KCNH5: variants seen among roughly 807,000 people sequenced by gnomAD.
The protein encoded by KCNH5 is voltage-gated delayed rectifier potassium channel KCNH5.
KCNH5 carries 46 observed loss-of-function variants against 96.1 expected under a neutral mutation model. The observed-to-expected ratio is 0.48, with a 90% confidence interval of 0.38 to 0.61. The LOEUF is 0.61. Among genes scored for constraint, KCNH5 ranks in the 20% least tolerant of loss-of-function variants. The pLI, the probability that KCNH5 is intolerant of heterozygous loss-of-function variation, is 0.00. For missense variants in KCNH5, 907 were observed against 1,225.8 expected (o/e 0.74, Z 3.88); for synonymous variants, 439 against 449.8 (o/e 0.98, Z 0.30).
chr14:62,895,722 G>A (rs931656789), intron 7 of KCNH5, among the ~76,000 whole-genome samples: 6 of 152,172 alleles, frequency 3.9e-5, no homozygotes, highest in Non-Finnish European at 8.8e-5. Context: ...ATGACAAGGA[G>A]ACATTGAAAG....
At chr14:62,972,749 G>T (rs1890433243) in intron 6 of KCNH5, among the ~76,000 whole-genome samples, 1 of 151,930 alleles carries the variant, frequency 6.6e-6, no homozygotes, top group Admixed American at 6.6e-5. Context: ...AGAGAAAGAA[G>T]CCAATATGAA....
rs1019715310 is a variant in KCNH5, at chr14:62,706,071, G to A, written c.*1437C>T. ...CTCCTGGGTTCTTACAAGTGAATGT[G>A]TATTTTATTCTCAATCCTTATCATT... On this transcript the variant is annotated 3_prime_UTR_variant, in exon 11 of 11. Coordinates refer to ENST00000322893, the MANE Select transcript of KCNH5 (RefSeq NM_139318.5). The A allele has an allele frequency of 2.6e-5, 4 of 152,030 alleles. No individual in the cohort carries two copies. The highest frequency in any genetic ancestry group is 7.2e-5 in the African/African-American group (3 of 41,420). The allele number at this position is 152,030 out of a possible 1,614,324, so 9.4% of individuals were successfully genotyped here. A position where few individuals can be genotyped will look rare whatever the true frequency, so the allele number is the denominator to read the frequency against.
chr14:63,027,787 A>G (rs777506389), intron 1 of KCNH5, among the ~76,000 whole-genome samples: 14 of 152,050 alleles, frequency 9.2e-5, no homozygotes, highest in Middle Eastern at 3.2e-3. Context: ...AAAAAGAAAG[A>G]CTGTAAACAT....
At chr14:62,878,061 T>C (rs1286920519) in intron 7 of KCNH5, among the ~76,000 whole-genome samples, 2 of 151,882 alleles carry the variant, frequency 1.3e-5, no homozygotes, top group Non-Finnish European at 2.9e-5. Flanking sequence ...TGGATGAAAT[T>C]GGAAATCATC....
At chr14:62,849,627 T>A (rs971936029) in intron 8 of KCNH5, 26 bp downstream of exon 8, 6 of 1,588,684 alleles carry the variant, frequency 3.8e-6, no homozygotes, top group Non-Finnish European at 5.2e-6. Context: ...AAATAGAAAC[T>A]AAATAATAAC....
intron 8 of KCNH5, 116 bp from the exon 9 acceptor site, chr14:62,802,697 C>T: frequency 7.9e-7 from 1 of 1,263,636 alleles, no homozygotes; most frequent in Non-Finnish European, 1.1e-6. Context: ...CTGCTACACA[C>T]CTTGCTGGGT....
chr14:62,946,817 T>C (rs1448046400), intron 7 of KCNH5, among the ~76,000 whole-genome samples: 2 of 152,136 alleles, frequency 1.3e-5, no homozygotes, highest in South Asian at 2.1e-4. Context: ...AGAAAGTCCA[T>C]TTCAAAAGGT....
chr14:62,739,303 T>C (rs7141855), intron 10 of KCNH5, among the ~76,000 whole-genome samples: 14,156 of 152,138 alleles, frequency 0.093, 1,027 homozygotes, highest in African/African-American at 0.19. Flanking sequence ...AAGCCTCTCT[T>C]AAAAGGACCC....
intron 7 of KCNH5, among the ~76,000 whole-genome samples, chr14:62,938,801 C>T (rs534541822): frequency 6.6e-6 from 1 of 152,224 alleles, no homozygotes; most frequent in East Asian, 1.9e-4. Context: ...TCTCCTCTGA[C>T]TAAAACGTCT....
At chr14:62,875,939 C>T (rs1850451798) in intron 7 of KCNH5, among the ~76,000 whole-genome samples, 1 of 152,150 alleles carries the variant, frequency 6.6e-6, no homozygotes. Flanking sequence ...GAGGCCGAGG[C>T]AGGCAAATCA....
intron 10 of KCNH5, among the ~76,000 whole-genome samples, chr14:62,746,448 A>G (rs1384952740): frequency 6.6e-6 from 1 of 152,254 alleles, no homozygotes; most frequent in African/African-American, 2.4e-5. Context: ...AACAAGCTCA[A>G]GAAACTACTT....
chr14:62,960,734 T>C (rs932472425), intron 6 of KCNH5, among the ~76,000 whole-genome samples: 7 of 152,156 alleles, frequency 4.6e-5, no homozygotes, highest in Non-Finnish European at 8.8e-5. Context: ...ACAAGTTACA[T>C]TGCTTTTTCC....
intron 9 of KCNH5, among the ~76,000 whole-genome samples, chr14:62,797,070 C>T (rs1250068710): frequency 1.3e-5 from 2 of 152,066 alleles, no homozygotes; most frequent in African/African-American, 4.8e-5. Context: ...GTTTTCCTTT[C>T]ACACCCAGGA....
intron 7 of KCNH5, among the ~76,000 whole-genome samples, chr14:62,941,102 T>C (rs1889780600): frequency 6.6e-6 from 1 of 152,206 alleles, no homozygotes; most frequent in Admixed American, 6.5e-5. Context: ...GTATCTAGTG[T>C]TTCTTAAATA....
chr14:62,707,732 G>A lies in KCNH5; in HGVS notation c.2743C>T (p.His915Tyr). ...ALQTTLQEVK[H>Y]ELKEDIQLLS... The stretch of plus-strand genomic sequence containing the variant: ...AGCTGGATGTCCTCTTTGAGTTCGT[G>A]TTTGACTTCCTGCAGTGTGGTCTGT... Residue 915 changes from histidine to tyrosine, a missense_variant, in exon 11 of 11, where the codon CAC becomes TAC. Transcript: ENST00000322893. The A allele has an allele frequency of 6.2e-7, 1 of 1,610,606 alleles. No individual in the cohort carries two copies. The highest frequency in any genetic ancestry group is 8.5e-7 in the Non-Finnish European group (1 of 1,177,116).
intron 6 of KCNH5, among the ~76,000 whole-genome samples, chr14:62,976,459 A>T (rs1258439250): frequency 6.6e-6 from 1 of 152,048 alleles, no homozygotes; most frequent in Non-Finnish European, 1.5e-5. Flanking sequence ...TATCTGAATA[A>T]AAGGAGTTCC....
intron 7 of KCNH5, among the ~76,000 whole-genome samples, chr14:62,945,847 G>A (rs1595695100): frequency 6.6e-6 from 1 of 152,088 alleles, no homozygotes; most frequent in African/African-American, 2.4e-5. Context: ...ATGAGATGGT[G>A]AGCATGGACT....
chr14:62,733,329 G>A (rs780904668), intron 10 of KCNH5, among the ~76,000 whole-genome samples: 18 of 152,044 alleles, frequency 1.2e-4, no homozygotes, highest in Admixed American at 4.6e-4. Context: ...GTCCCATCAT[G>A]AAGAGACACG....
At chr14:63,019,260 G>C (rs1008377586) in intron 1 of KCNH5, among the ~76,000 whole-genome samples, 1 of 151,952 alleles carries the variant, frequency 6.6e-6, no homozygotes, top group Non-Finnish European at 1.5e-5. Context: ...ACATCAAAAA[G>C]TGTTCTATTT....
Sources: gnomAD v4.1 joint callset for allele counts (sites outside exome capture counted in the v4.1 genomes callset) on GRCh38, gnomAD v4.1.1 for gene constraint, MANE v1.5 for transcripts, NCBI Gene and HGNC (gene_info 2026-07-23, HGNC 2026-07-21) for gene names.